PXK: variants seen among roughly 807,000 people sequenced by gnomAD.
PXK encodes the protein PX domain-containing protein kinase-like protein.
In PXK, 35 loss-of-function variants were observed where a neutral mutation model predicts 84.7. The observed-to-expected ratio is 0.41, with a 90% confidence interval of 0.32 to 0.55. The LOEUF (loss-of-function observed/expected upper bound fraction) is 0.55. Ranked by LOEUF, PXK falls within the 20% of genes least tolerant of loss-of-function variation. PXK has a pLI of 0.21. For missense variants in PXK, 634 were observed against 699.7 expected (o/e 0.91, Z 1.06); for synonymous variants, 253 against 260.8 (o/e 0.97, Z 0.29).
intron 13 of PXK, 71 bp from the exon 14 acceptor site, chr3:58,408,853 A>T (rs570986665): frequency 2.5e-6 from 3 of 1,205,784 alleles, no homozygotes; most frequent in African/African-American, 3.0e-5. Flanking sequence ...CTGCTCCTTC[A>T]TTTACTCCAG....
chr3:58,424,736 C>T lies in PXK; in HGVS notation c.1529-16C>T. ...CTGTGGAGGTGAATACTGATTGTCC[C>T]CCTTTTCCTCCACAGGGATATCTGC... On this transcript the variant is annotated splice_polypyrimidine_tract_variant and intron_variant, in intron 17 of 17. Coordinates refer to ENST00000356151, the MANE Select transcript of PXK (RefSeq NM_017771.5). The T allele has an allele frequency of 6.2e-7, 1 of 1,611,408 alleles. No individual in the cohort carries two copies. The highest frequency in any genetic ancestry group is 8.5e-7 in the Non-Finnish European group (1 of 1,179,306).
intron 3 of PXK, among the ~76,000 whole-genome samples, chr3:58,371,488 T>A (rs1196269257): frequency 6.6e-6 from 1 of 152,216 alleles, no homozygotes; most frequent in East Asian, 1.9e-4. Flanking sequence ...AGCGAACCTT[T>A]GCTTGTGCAT....
At chr3:58,387,627 G>A (rs1444345175) in intron 4 of PXK, among the ~76,000 whole-genome samples, 1 of 152,176 alleles carries the variant, frequency 6.6e-6, no homozygotes, top group African/African-American at 2.4e-5. Context: ...TAGCCAGGCC[G>A]AGAGGCAGTG....
chr3:58,410,892 T>C (rs1420703661), intron 16 of PXK, among the ~76,000 whole-genome samples: 2 of 152,138 alleles, frequency 1.3e-5, no homozygotes, highest in Admixed American at 6.5e-5. Context: ...AATACCTGCT[T>C]ATACTTTTAG....
chr3:58,421,937 G>T lies in PXK; in HGVS notation c.1529-2815G>T. 1.0e-6 allele frequency: 1 copy of T among 985,418 alleles called. No homozygotes were observed. The highest frequency in any genetic ancestry group is 1.2e-6 in the Non-Finnish European group (1 of 829,924). The allele number at this position is 985,418 out of a possible 1,614,324, so 61.0% of individuals were successfully genotyped here. A position where few individuals can be genotyped will look rare whatever the true frequency, so the allele number is the denominator to read the frequency against. On this transcript the variant is annotated intron_variant, in intron 17 of 17. Transcript: ENST00000356151. This position sits in a 1 kb window ranked among gnomAD's most constrained non-coding sequence, Gnocchi z 5.5. ...TGGAATCGGTCTGCTCTCATATGTGGCCTGGAGATAAGGGTATTGGAGGTC... is the reference window on the plus strand; with the variant it reads ...TGGAATCGGTCTGCTCTCATATGTGTCCTGGAGATAAGGGTATTGGAGGTC...
At position 58,421,397 on chromosome 3, in the gene PXK, A is replaced by G. The variant is rs2061827363; in HGVS notation, c.1529-3355A>G. 2 of 874,428 alleles carry G rather than the reference A, an allele frequency of 2.3e-6. No individual in the cohort carries two copies. The highest frequency in any genetic ancestry group is 1.2e-4 in the Admixed American group (2 of 16,116). 54.2% of individuals were successfully genotyped at this position (874,428 alleles called of 1,614,324 possible). On this transcript the variant is annotated intron_variant, in intron 17 of 17. Coordinates refer to ENST00000356151, the MANE Select transcript of PXK (RefSeq NM_017771.5). The surrounding 1 kb of genome is among the most constrained non-coding windows in gnomAD (Gnocchi z 5.5). ...GGAGTTCAAGACCAACCTGGCCAACATGGTGAAACCCCATCTGTACTAAAA... is the reference window on the plus strand; with the variant it reads ...GGAGTTCAAGACCAACCTGGCCAACGTGGTGAAACCCCATCTGTACTAAAA...
intron 17 of PXK, chr3:58,413,716 T>G (rs943050215): frequency 5.9e-5 from 9 of 152,232 alleles, no homozygotes; most frequent in African/African-American, 2.2e-4. Flanking sequence ...GAACCAGTTG[T>G]TCCAGATGTG....
rs1402895645 is a variant in PXK at position 58,420,812 on chromosome 3, T to A, written c.1529-3940T>A. 12 of 1,354,682 alleles carry A rather than the reference T, an allele frequency of 8.9e-6. No individual in the cohort carries two copies. The East Asian group carries it at 3.5e-4, about 40-fold the overall frequency. The allele number at this position is 1,354,682 out of a possible 1,614,324, so 83.9% of individuals were successfully genotyped here. A position where few individuals can be genotyped will look rare whatever the true frequency, so the allele number is the denominator to read the frequency against. On this transcript the variant is annotated intron_variant, in intron 17 of 17. Coordinates refer to ENST00000356151, the MANE Select transcript of PXK (RefSeq NM_017771.5). ...CTTCATTTTCACTCTGATTTCAGTT[T>A]TAAAATACAGCTCTAAAACCTGCAA...
chr3:58,353,214 G>T (rs2097976640), intron 1 of PXK, among the ~76,000 whole-genome samples: 1 of 152,104 alleles, frequency 6.6e-6, no homozygotes. Flanking sequence ...AGCCAGAATG[G>T]TCTTGATCTC....
chr3:58,396,438 C>T (rs2057692333), intron 9 of PXK, among the ~76,000 whole-genome samples: 1 of 152,166 alleles, frequency 6.6e-6, no homozygotes, highest in South Asian at 2.1e-4. Context: ...ACCCCACTTG[C>T]CTATCACTGC....
intron 1 of PXK, among the ~76,000 whole-genome samples, chr3:58,352,108 G>GCC (rs1450515227): frequency 6.6e-6 from 1 of 152,240 alleles, no homozygotes; most frequent in African/African-American, 2.4e-5. Context: ...ACTGGAAAAT[G>GCC]TGTGCCCTCC....
intron 1 of PXK, among the ~76,000 whole-genome samples, chr3:58,340,119 A>ATTTT (rs547721745): frequency 4.8e-5 from 6 of 125,830 alleles, no homozygotes; most frequent in African/African-American, 1.2e-4. Context: ...CGCCTGGCCG[A>ATTTT]TTTTTTTTTT....
In PXK at chr3:58,421,590, G is replaced by A. The variant is rs2061869853; in HGVS notation, c.1529-3162G>A. ...GCGAGACTCCATCTCAGAAAAAAAGGAACTGGAGGGAGGGACCCTCAGACA... is the reference window on the plus strand; with the variant it reads ...GCGAGACTCCATCTCAGAAAAAAAGAAACTGGAGGGAGGGACCCTCAGACA... On this transcript the variant is annotated intron_variant, in intron 17 of 17. Transcript: ENST00000356151. This position sits in a 1 kb window ranked among gnomAD's most constrained non-coding sequence, Gnocchi z 5.5. The A allele has an allele frequency of 1.0e-6, 1 of 987,920 alleles. No individual in the cohort carries two copies. The highest frequency in any genetic ancestry group is 6.2e-5 in the Admixed American group (1 of 16,258). The allele number at this position is 987,920 out of a possible 1,614,324, so 61.2% of individuals were successfully genotyped here.
intron 3 of PXK, among the ~76,000 whole-genome samples, chr3:58,371,751 A>G (rs1236275403): frequency 6.6e-6 from 1 of 152,196 alleles, no homozygotes; most frequent in Non-Finnish European, 1.5e-5. Context: ...GGGACTTTCA[A>G]TGTGCATCTT....
intron 3 of PXK, among the ~76,000 whole-genome samples, chr3:58,376,466 C>T (rs777876524): frequency 1.4e-4 from 22 of 151,972 alleles, no homozygotes; most frequent in African/African-American, 4.4e-4. Context: ...TAAAATTAGT[C>T]TTGTTATTCA....
intron 17 of PXK, among the ~76,000 whole-genome samples, chr3:58,419,005 C>T (rs2061414400): frequency 6.6e-6 from 1 of 152,158 alleles, no homozygotes. Context: ...AATGAAGACC[C>T]AAAGGTACAG....
chr3:58,410,856 G>A (rs370130087), intron 16 of PXK, among the ~76,000 whole-genome samples: 4 of 152,198 alleles, frequency 2.6e-5, no homozygotes, highest in Admixed American at 6.5e-5. Context: ...GAAGGGCCAC[G>A]GGAATGGGAG....
In PXK at chr3:58,333,133, G is replaced by C. The variant is rs968625825; in HGVS notation, c.102+43G>C. 1.6e-5 allele frequency: 17 copies of C among 1,035,078 alleles called. No homozygotes were observed. In the African/African-American group the frequency reaches 2.2e-4, roughly 14 times the overall value. 64.1% of individuals were successfully genotyped at this position (1,035,078 alleles called of 1,614,324 possible). On this transcript the variant is annotated intron_variant, in intron 1 of 17. Coordinates refer to ENST00000356151, the MANE Select transcript of PXK (RefSeq NM_017771.5). The surrounding 1 kb of genome is among the most constrained non-coding windows in gnomAD (Gnocchi z 5.4). ...CGGGCGGGCGGCGTGGGGCGGCCCCGGGCCGCGAGGGGGCTGCGGGCTGCC... is the reference window on the plus strand; with the variant it reads ...CGGGCGGGCGGCGTGGGGCGGCCCCCGGCCGCGAGGGGGCTGCGGGCTGCC...
chr3:58,366,001 T>C, intron 2 of PXK, 77 bp downstream of exon 2: 2 of 1,259,978 alleles, frequency 1.6e-6, no homozygotes. Context: ...TTGGGGCCTC[T>C]GAAAGTCTGG....
Sources: allele counts gnomAD v4.1 joint callset (sites outside exome capture counted in the v4.1 genomes callset), GRCh38; gene constraint gnomAD v4.1.1; non-coding constraint Gnocchi (gnomAD v3.1); transcripts MANE v1.5; gene names NCBI Gene and HGNC (gene_info 2026-07-23, HGNC 2026-07-21).